CIAPIN1: variants seen among roughly 807,000 people sequenced by gnomAD.
CIAPIN1 encodes anamorsin.
Under a neutral mutation model 34.3 loss-of-function variants are expected in CIAPIN1, and 18 were observed. That is an observed-to-expected ratio of 0.52 (90% CI 0.36 to 0.78). CIAPIN1 has a LOEUF of 0.78. CIAPIN1 is among the 30% of genes least tolerant of loss of function. The pLI is 0.00. For missense variants in CIAPIN1, 310 were observed against 372.5 expected, an observed-to-expected ratio of 0.83 and a Z score of 1.38; for synonymous variants, 131 against 140.4, an observed-to-expected ratio of 0.93 and a Z score of 0.47.
intron 1 of CIAPIN1, 79 bp downstream of exon 1, chr16:57,447,263 G>A (rs2030121307): frequency 2.6e-6 from 1 of 390,136 alleles, no homozygotes; most frequent in African/African-American, 2.1e-5. Flanking sequence ...GAGAAAATGA[G>A]AGGATGTGGG....
At chr16:57,443,546 C>T (rs1231965691) in intron 1 of CIAPIN1, among the ~76,000 whole-genome samples, 1 of 152,228 alleles carries the variant, frequency 6.6e-6, no homozygotes, top group Non-Finnish European at 1.5e-5. Context: ...CAACCTCCGC[C>T]TTCAGCGTTC....
At chr16:57,431,340 T>A in intron 6 of CIAPIN1, 74 bp from the exon 7 acceptor site, 1 of 1,006,194 alleles carries the variant, frequency 9.9e-7, no homozygotes, top group Non-Finnish European at 1.5e-6. Flanking sequence ...ACTGCAGGCT[T>A]CGAGAGGAAA....
At chr16:57,438,426 CA>C (rs1327444857) in intron 3 of CIAPIN1, among the ~76,000 whole-genome samples, 1 of 151,786 alleles carries the variant, frequency 6.6e-6, no homozygotes, top group Non-Finnish European at 1.5e-5. Flanking sequence ...TTGGAAAAAA[CA>C]AAAAAAAGTT....
chr16:57,431,162 G>A lies in CIAPIN1; in HGVS notation c.735C>T (p.Ala245=), dbSNP rs1903078434. 6.2e-7 allele frequency: 1 copy of A among 1,611,886 alleles called. No homozygotes were observed. The highest frequency in any genetic ancestry group is 1.3e-5 in the African/African-American group (1 of 74,832). ...ASCGEGKKRK[A]CKNCTCGLAE... ...ACCCCAGCACTCACCAGTTCTTACA[G>A]GCCTTCCTCTTTTTCCCTTCCCCAC... Residue 245 remains alanine, a synonymous_variant, in exon 7 of 9, where the codon GCC becomes GCT. Coordinates refer to ENST00000394391, the MANE Select transcript of CIAPIN1 (RefSeq NM_020313.4).
Position 57,432,487 on chromosome 16 carries a change from C to T in CIAPIN1, c.630G>A (p.Met210Ile). 1 of 1,613,516 alleles carries T rather than the reference C, an allele frequency of 6.2e-7. No homozygotes were observed. The highest frequency in any genetic ancestry group is 2.2e-5 in the East Asian group (1 of 44,868). The change falls in exon 6 of 9, where the codon ATG becomes ATA. Residue 210 changes from methionine to isoleucine, a missense_variant and splice_region_variant. Transcript: ENST00000394391. ...LSANDMEDDSMDLIDSDELLD... is the reference protein window; with the variant it reads ...LSANDMEDDSIDLIDSDELLD... Reference sequence around the variant, plus strand: ...TCAAGTGACAATGCTGCCAGCTCACCATGCTGTCGTCCTCCATATCGTTGG... The same window carrying T: ...TCAAGTGACAATGCTGCCAGCTCACTATGCTGTCGTCCTCCATATCGTTGG...
At chr16:57,446,062 T>A (rs1165365001) in intron 1 of CIAPIN1, among the ~76,000 whole-genome samples, 1 of 151,988 alleles carries the variant, frequency 6.6e-6, no homozygotes, top group Admixed American at 6.6e-5. Context: ...CCCAGGCTGG[T>A]CTCGAACTCC....
intron 6 of CIAPIN1, 88 bp from the exon 7 acceptor site, chr16:57,431,354 G>T: frequency 1.2e-6 from 1 of 825,028 alleles, no homozygotes; most frequent in Non-Finnish European, 2.0e-6. Context: ...GAGGAAACTT[G>T]GAGTCCAGGG....
chr16:57,446,299 T>G (rs2030065657), intron 1 of CIAPIN1, among the ~76,000 whole-genome samples: 1 of 152,114 alleles, frequency 6.6e-6, no homozygotes, highest in Admixed American at 6.5e-5. Flanking sequence ...AACAAATCCT[T>G]ATGGAGAGGA....
At chr16:57,437,784 T>C (rs1389806894) in intron 3 of CIAPIN1, among the ~76,000 whole-genome samples, 2 of 152,060 alleles carry the variant, frequency 1.3e-5, no homozygotes, top group African/African-American at 4.8e-5. Flanking sequence ...CCCCAGCCTC[T>C]CAAACTGCCG....
rs879405050 is a variant in CIAPIN1, at chr16:57,447,366, T to A, written c.-80A>T. ...CCTGCCGCCTGGGCTCGCTCCCGGCTTCTCTCCAGCCGTCGACTCCACGCC... is the reference window on the plus strand; with the variant it reads ...CCTGCCGCCTGGGCTCGCTCCCGGCATCTCTCCAGCCGTCGACTCCACGCC... On this transcript the variant is annotated 5_prime_UTR_variant, in exon 1 of 9. The change creates a new upstream start codon in the 5' untranslated region. Transcript: ENST00000394391. 2.5e-6 allele frequency: 2 copies of A among 808,762 alleles called. No individual in the cohort carries two copies. The highest frequency in any genetic ancestry group is 3.3e-6 in the Non-Finnish European group (2 of 600,782). The allele number at this position is 808,762 out of a possible 1,614,324, so 50.1% of individuals were successfully genotyped here.
rs772120629 is a variant in CIAPIN1, at chr16:57,436,696, C to T, written c.347G>A (p.Cys116Tyr). The T allele has an allele frequency of 1.6e-5, 26 of 1,613,818 alleles. No individual in the cohort carries two copies. Among genetic ancestry groups the T allele is most frequent in the Non-Finnish European group, 2.1e-5 (25 of 1,179,902 alleles). ...NSKVKTASKL[C>Y]SALTLSGLVE... is the part of the protein sequence containing the mutation. ...AAGACCAGAAAGAGTCAGGGCTGAA[C>T]ACAGCTTAGATGCTGTCTTCACTTT... The change falls in exon 4 of 9, where the codon TGT (cysteine) becomes TAT (tyrosine). Residue 116 changes from cysteine to tyrosine, a missense_variant. Coordinates refer to ENST00000394391, the MANE Select transcript of CIAPIN1 (RefSeq NM_020313.4).
At chr16:57,445,443 C>T (rs1308470569) in intron 1 of CIAPIN1, among the ~76,000 whole-genome samples, 1 of 152,068 alleles carries the variant, frequency 6.6e-6, no homozygotes, top group East Asian at 1.9e-4. Context: ...AGGAGGCGGA[C>T]GTTGTAGTGG....
rs1424607608 is a variant in CIAPIN1, at chr16:57,428,730, C to G, written c.*440G>C. On this transcript the variant is annotated 3_prime_UTR_variant, in exon 9 of 9. Coordinates refer to ENST00000394391, the MANE Select transcript of CIAPIN1 (RefSeq NM_020313.4). ...TGAGGAGGTTGTGAGCCACTTGACT[C>G]GTGTCACAAAGAATGGAGTAAACTA... The G allele has an allele frequency of 6.5e-6, 1 of 154,342 alleles. No individual in the cohort carries two copies. The highest frequency in any genetic ancestry group is 1.4e-5 in the Non-Finnish European group (1 of 69,610). 9.6% of individuals were successfully genotyped at this position (154,342 alleles called of 1,614,324 possible).
At chr16:57,436,381 C>T (rs1427125642) in intron 4 of CIAPIN1, among the ~76,000 whole-genome samples, 2 of 152,122 alleles carry the variant, frequency 1.3e-5, no homozygotes, top group African/African-American at 2.4e-5. Context: ...GCGTCTGCCA[C>T]CAGGCCCGAC....
At chr16:57,442,322 G>A (rs914663461) in intron 1 of CIAPIN1, among the ~76,000 whole-genome samples, 3 of 151,782 alleles carry the variant, frequency 2.0e-5, no homozygotes, top group Non-Finnish European at 4.4e-5. Flanking sequence ...CTCCAGCCTG[G>A]TGACAGAGCG....
chr16:57,431,865 G>A (rs1305362819), intron 6 of CIAPIN1, among the ~76,000 whole-genome samples: 25 of 152,126 alleles, frequency 1.6e-4, no homozygotes, highest in Admixed American at 1.6e-3. Context: ...TTAAAGCATG[G>A]AACAGTCAGC....
intron 6 of CIAPIN1, 36 bp from the exon 7 acceptor site, chr16:57,431,302 TG>T (rs1480870574): frequency 4.9e-6 from 7 of 1,418,758 alleles, no homozygotes; most frequent in African/African-American, 1.4e-5. Flanking sequence ...GATACAGTCG[TG>T]GTCTCTGCTA....
chr16:57,445,455 C>A (rs745972513), intron 1 of CIAPIN1, among the ~76,000 whole-genome samples: 1 of 152,156 alleles, frequency 6.6e-6, no homozygotes, highest in African/African-American at 2.4e-5. Context: ...TTGTAGTGGA[C>A]CAAGATCTTG....
At chr16:57,447,173 C>T (rs555814812) in intron 1 of CIAPIN1, among the ~76,000 whole-genome samples, 169 bp downstream of exon 1, 4 of 152,348 alleles carry the variant, frequency 2.6e-5, no homozygotes, top group African/African-American at 9.6e-5. Flanking sequence ...GCCCCTCACA[C>T]CGACTTCTCA....
Sources: gnomAD v4.1 joint callset for allele counts (sites outside exome capture counted in the v4.1 genomes callset) on GRCh38, gnomAD v4.1.1 for gene constraint, MANE v1.5 for transcripts, NCBI Gene and HGNC (gene_info 2026-07-23, HGNC 2026-07-21) for gene names.